SPATA6L: variants seen among roughly 807,000 people sequenced by gnomAD.
The protein encoded by SPATA6L is spermatogenesis associated 6 like, also known as spermatogenesis associated 6-like protein.
SPATA6L carries 68 observed loss-of-function variants against 49.2 expected under a neutral mutation model. The observed-to-expected ratio is 1.38, with a 90% CI of 1.14 to 1.69. SPATA6L has a LOEUF of 1.69. SPATA6L is among the 40% of genes most tolerant of loss of function. The probability of loss-of-function intolerance (pLI) is 0.00; values close to 1 mark genes in which losing one functional copy is unlikely to be tolerated. For missense variants in SPATA6L, 668 were observed against 464.3 expected, an observed-to-expected ratio of 1.44 and a Z score of -4.03; for synonymous variants, 198 against 165.7, an observed-to-expected ratio of 1.19 and a Z score of -1.50.
intron 9 of SPATA6L, among the ~76,000 whole-genome samples, chr9:4,613,843 A>G (rs1438748416): frequency 6.6e-6 from 1 of 152,154 alleles, no homozygotes. Flanking sequence ...CTCGCTTCCC[A>G]AAGTGCAGGG....
chr9:4,657,496 T>C (rs545586542), intron 2 of SPATA6L, among the ~76,000 whole-genome samples: 3 of 151,964 alleles, frequency 2.0e-5, no homozygotes, highest in African/African-American at 7.2e-5. Context: ...ATAAGACTGG[T>C]GTCCTTAGGA....
chr9:4,620,962 AACTCT>A (rs772471302), intron 7 of SPATA6L, among the ~76,000 whole-genome samples: 106 of 152,344 alleles, frequency 7.0e-4, no homozygotes, highest in African/African-American at 1.2e-3. Flanking sequence ...TTCTGCTTCA[AACTCT>A]ACTCTGTCCT....
rs757918538 is a variant in SPATA6L, at chr9:4,662,342, C to A, written c.40-306G>T. The A allele has an allele frequency of 6.8e-7, 1 of 1,469,156 alleles. No individual in the cohort carries two copies. Among genetic ancestry groups the A allele is most frequent in the African/African-American group, 1.4e-5 (1 of 70,372 alleles). 91.0% of individuals were successfully genotyped at this position (1,469,156 alleles called of 1,614,324 possible). On this transcript the variant is annotated intron_variant, in intron 1 of 11. Coordinates refer to ENST00000682582, the MANE Select transcript of SPATA6L (RefSeq NM_001353486.2). The surrounding 1 kb of genome is among the most constrained non-coding windows in gnomAD (Gnocchi z 4.9). ...AGGGCCGGGAAGCCTCTGTTTGGTC[C>A]GGCCAGGTCCCGGGATCCGGGCCGC...
At chr9:4,644,670 C>CTA (rs1834900525) in intron 3 of SPATA6L, among the ~76,000 whole-genome samples, 2 of 130,160 alleles carry the variant, frequency 1.5e-5, no homozygotes, top group Non-Finnish European at 3.1e-5. Context: ...CTCTCTCTCT[C>CTA]TCTCTCTCTC....
intron 13 of SPATA6L, among the ~76,000 whole-genome samples, chr9:4,589,876 AT>A (rs1202984633): frequency 6.6e-6 from 1 of 152,332 alleles, no homozygotes; most frequent in East Asian, 1.9e-4. Context: ...TGAAAGCCAG[AT>A]AATATAAAGA....
intron 3 of SPATA6L, among the ~76,000 whole-genome samples, chr9:4,644,280 T>C (rs1380817112): frequency 1.4e-5 from 2 of 146,696 alleles, no homozygotes; most frequent in Non-Finnish European, 3.0e-5. Context: ...GCAGGAGAAC[T>C]GCTCAAGCCC....
At chr9:4,646,826 C>A (rs1835491505) in intron 3 of SPATA6L, among the ~76,000 whole-genome samples, 1 of 151,872 alleles carries the variant, frequency 6.6e-6, no homozygotes. Flanking sequence ...AAAGAGAAAA[C>A]CAAATGCAGC....
chr9:4,659,698 C>CA (rs1405950827), intron 2 of SPATA6L, among the ~76,000 whole-genome samples: 1 of 152,162 alleles, frequency 6.6e-6, no homozygotes, highest in Non-Finnish European at 1.5e-5. Context: ...CATATGGAAC[C>CA]AAAAAAGAGC....
chr9:4,661,402 C>A (rs1839696271), intron 2 of SPATA6L, among the ~76,000 whole-genome samples: 1 of 152,152 alleles, frequency 6.6e-6, no homozygotes, highest in South Asian at 2.1e-4. Context: ...TGGAATCTAG[C>A]CTTTATCACT....
At chr9:4,661,842 A>G in intron 2 of SPATA6L, 57 bp downstream of exon 2, 2 of 1,582,852 alleles carry the variant, frequency 1.3e-6, no homozygotes, top group South Asian at 1.1e-5. Context: ...TCTGTTCTTT[A>G]TAAGAACTCT....
chr9:4,605,923 C>G (rs1222159015), intron 9 of SPATA6L, among the ~76,000 whole-genome samples: 1 of 152,198 alleles, frequency 6.6e-6, no homozygotes, highest in Non-Finnish European at 1.5e-5. Context: ...CTAGGGAGTG[C>G]CAGACAGTGG....
chr9:4,607,392 G>C (rs1265430670), intron 9 of SPATA6L, among the ~76,000 whole-genome samples: 7 of 152,156 alleles, frequency 4.6e-5, no homozygotes, highest in African/African-American at 1.7e-4. Flanking sequence ...GGCAGCCAGA[G>C]AGAAAGGTCG....
chr9:4,619,464 A>G (rs139298961), intron 7 of SPATA6L, among the ~76,000 whole-genome samples: 356 of 152,186 alleles, frequency 2.3e-3, no homozygotes, highest in African/African-American at 8.0e-3. Flanking sequence ...TTTGTTTTCA[A>G]TGACAGCACA....
At chr9:4,605,073 C>T (rs1180733050) in intron 10 of SPATA6L, among the ~76,000 whole-genome samples, 1 of 152,062 alleles carries the variant, frequency 6.6e-6, no homozygotes, top group Non-Finnish European at 1.5e-5. Flanking sequence ...AGGACCTCTG[C>T]TTGATGAGTG....
At chr9:4,648,032 G>C (rs143418654) in intron 3 of SPATA6L, among the ~76,000 whole-genome samples, 5 of 151,996 alleles carry the variant, frequency 3.3e-5, no homozygotes, top group Middle Eastern at 3.4e-3. Flanking sequence ...ATGGAGTTTC[G>C]CCATGTTGGC....
chr9:4,590,086 G>T lies in SPATA6L; in HGVS notation c.*255-1125C>A, dbSNP rs1821808160. 2.0e-5 allele frequency among the ~76,000 whole-genome samples: 3 copies of T among 151,580 alleles called. No individual in the cohort carries two copies. In the South Asian group the frequency reaches 6.3e-4, roughly 32 times the overall value. On this transcript the variant is annotated intron_variant and NMD_transcript_variant, in intron 13 of 13. Coordinates refer to the SPATA6L transcript ENST00000461761. ...TTACAGGTGTGCACCACCACGCCCA[G>T]CTAATTTTTGTATTTTTGGTACAGA...
intron 6 of SPATA6L, among the ~76,000 whole-genome samples, chr9:4,624,452 G>T (rs576571215): frequency 6.6e-6 from 1 of 152,132 alleles, no homozygotes; most frequent in Non-Finnish European, 1.5e-5. Context: ...TTGTAGGCTG[G>T]TGCAGTGGCT....
chr9:4,652,370 A>C (rs1837106960), intron 3 of SPATA6L, among the ~76,000 whole-genome samples: 1 of 152,080 alleles, frequency 6.6e-6, no homozygotes, highest in South Asian at 2.1e-4. Flanking sequence ...CTAGGCAACA[A>C]GAATGAAACT....
At chr9:4,622,251 T>A (rs1490704814) in intron 7 of SPATA6L, among the ~76,000 whole-genome samples, 157 bp downstream of exon 7, 1 of 152,206 alleles carries the variant, frequency 6.6e-6, no homozygotes, top group East Asian at 1.9e-4. Context: ...CGCTGCTTCA[T>A]GGGAACACTG....
Sources: gnomAD v4.1 joint callset for allele counts (sites outside exome capture counted in the v4.1 genomes callset) on GRCh38, gnomAD v4.1.1 for gene constraint, Gnocchi (gnomAD v3.1) non-coding constraint, MANE v1.5 for transcripts, NCBI Gene and HGNC (gene_info 2026-07-23, HGNC 2026-07-21) for gene names.